Variants in PTPRA observed in about 807,000 individuals in gnomAD.
The protein encoded by PTPRA is protein tyrosine phosphatase receptor type A.
A neutral mutation model predicts 104.8 loss-of-function variants in PTPRA; 25 were observed. The observed-to-expected ratio is 0.24, with a 90% CI of 0.17 to 0.33. The LOEUF is 0.33. Among genes scored for constraint, PTPRA ranks in the 10% least tolerant of loss-of-function variants. PTPRA has a pLI of 1.00. For missense variants in PTPRA, 765 were observed against 1,015.3 expected (o/e 0.75, Z 3.35); for synonymous variants, 323 against 368.9 (o/e 0.88, Z 1.43).
chr20:3,016,083 C>T (rs2064432512), intron 12 of PTPRA, among the ~76,000 whole-genome samples, 198 bp downstream of exon 12: 1 of 152,128 alleles, frequency 6.6e-6, no homozygotes, highest in South Asian at 2.1e-4. Context: ...TCCAGGGATC[C>T]ATTAAAAGAA....
chr20:2,930,849 T>G (rs1312561735), intron 2 of PTPRA, among the ~76,000 whole-genome samples: 1 of 152,202 alleles, frequency 6.6e-6, no homozygotes, highest in African/African-American at 2.4e-5. Flanking sequence ...ATATCTTTTT[T>G]GGGGAGGCAT....
intron 1 of PTPRA, among the ~76,000 whole-genome samples, chr20:2,898,197 C>T (rs1390700574): frequency 2.6e-5 from 4 of 151,932 alleles, no homozygotes; most frequent in Non-Finnish European, 5.9e-5. Context: ...CTCGGGTTCA[C>T]GCCATTCTCC....
chr20:2,868,738 T>C (rs2146695921), upstream of PTPRA, among the ~76,000 whole-genome samples: 1 of 143,592 alleles, frequency 7.0e-6, no homozygotes, highest in African/African-American at 2.6e-5. Flanking sequence ...GAGTTCTCAA[T>C]GAAAAAGGAT....
rs550487152 is a variant in PTPRA, at chr20:2,988,285, G to T, written c.602-53G>T. ...GTAGAACCCCGTTTAGCCTCCAGAA[G>T]AGGGGCTAGGTTCTCAGGGTACCTG... On this transcript the variant is annotated intron_variant, in intron 8 of 23. Transcript: ENST00000399903. 3 of 1,564,782 alleles carry T rather than the reference G, an allele frequency of 1.9e-6. No individual in the cohort carries two copies. The East Asian group carries it at 6.7e-5, about 35-fold the overall frequency.
intron 11 of PTPRA, among the ~76,000 whole-genome samples, chr20:3,010,975 G>A (rs187932267): frequency 2.8e-4 from 43 of 152,348 alleles, no homozygotes; most frequent in Admixed American, 2.4e-3. Flanking sequence ...ATCTGCCACC[G>A]TAACCAGTTT....
chr20:3,009,109 C>T (rs2064028241), intron 11 of PTPRA, among the ~76,000 whole-genome samples: 1 of 152,096 alleles, frequency 6.6e-6, no homozygotes, highest in African/African-American at 2.4e-5. Context: ...AGGCAACTCA[C>T]CCGTGTGCTC....
chr20:2,954,377 C>T (rs529213276), intron 3 of PTPRA, among the ~76,000 whole-genome samples: 1 of 152,180 alleles, frequency 6.6e-6, no homozygotes, highest in East Asian at 1.9e-4. Flanking sequence ...CCACACCTGG[C>T]CCCCAGCTAA....
At chr20:2,892,458 C>T (rs1275512296) in intron 1 of PTPRA, among the ~76,000 whole-genome samples, 1 of 152,026 alleles carries the variant, frequency 6.6e-6, no homozygotes, top group East Asian at 1.9e-4. Context: ...ATTGTACTTC[C>T]AATTTTGAAA....
In PTPRA at chr20:2,923,340, C is replaced by G. The variant is rs552931539; in HGVS notation, c.-50+55C>G. 393 of 1,199,922 alleles carry G rather than the reference C, an allele frequency of 3.3e-4. 8 individuals carry two copies. The South Asian group carries it at 5.1e-3, about 15-fold the overall frequency. 74.3% of individuals were successfully genotyped at this position (1,199,922 alleles called of 1,614,324 possible). ...AGGCTTTTGCCAGCCAAGTAGTGTCCTTAAATAAAGCTAACATCACATGCT... is the reference window on the plus strand; with the variant it reads ...AGGCTTTTGCCAGCCAAGTAGTGTCGTTAAATAAAGCTAACATCACATGCT... On this transcript the variant is annotated intron_variant, in intron 2 of 23. Coordinates refer to ENST00000399903, the MANE Select transcript of PTPRA (RefSeq NM_001385305.1).
chr20:3,003,412 G>A (rs934633976), intron 9 of PTPRA, among the ~76,000 whole-genome samples: 2 of 152,104 alleles, frequency 1.3e-5, no homozygotes, highest in Admixed American at 6.6e-5. Flanking sequence ...ATTTCCTAAG[G>A]GTATGTTCTC....
chr20:2,879,361 C>A (rs1226047207), intron 1 of PTPRA, among the ~76,000 whole-genome samples: 1 of 152,176 alleles, frequency 6.6e-6, no homozygotes, highest in Non-Finnish European at 1.5e-5. Context: ...GTGTTACTAA[C>A]CAGCTCCTGG....
chr20:2,894,988 CAAAAA>C (rs58817434), intron 1 of PTPRA, among the ~76,000 whole-genome samples: 3 of 104,462 alleles, frequency 2.9e-5, no homozygotes, highest in African/African-American at 3.9e-5. Flanking sequence ...CTCCTTCACC[CAAAAA>C]AAAAAAAAAA....
At chr20:2,864,828 T>C in the PTPRA span, 24 of 1,181,528 alleles carry the variant, frequency 2.0e-5, no homozygotes, top group Non-Finnish European at 2.7e-5. This position sits in a 1 kb window ranked among gnomAD's most constrained non-coding sequence, Gnocchi z 5.2. Flanking sequence ...GAGCTAGCCA[T>C]CCCTCTAGGA....
At chr20:2,940,564 G>T (rs2147647920) in intron 2 of PTPRA, among the ~76,000 whole-genome samples, 1 of 152,090 alleles carries the variant, frequency 6.6e-6, no homozygotes, top group Middle Eastern at 3.4e-3. Context: ...CTCAGAATAG[G>T]TTTTCCTTTT....
chr20:2,997,334 T>C (rs2063441067), intron 9 of PTPRA, among the ~76,000 whole-genome samples: 1 of 152,218 alleles, frequency 6.6e-6, no homozygotes, highest in East Asian at 1.9e-4. Flanking sequence ...AAGCATATTC[T>C]TTTTATAATA....
rs1467529425 is a variant in PTPRA, at chr20:2,952,155, CA to C, written c.-7+4135del. 2.0e-5 allele frequency among the ~76,000 whole-genome samples: 3 copies of C among 151,986 alleles called. No homozygotes were observed. The East Asian group carries it at 5.8e-4, about 29-fold the overall frequency. On this transcript the variant is annotated intron_variant, in intron 3 of 23. Transcript: ENST00000399903. Reference sequence around the variant, plus strand: ...AAAAAAAAACTGTCAAATGATACTCCAAAATGGTTGTACCATTTTATATTTG... The same window carrying C: ...AAAAAAAAACTGTCAAATGATACTCCAAATGGTTGTACCATTTTATATTTG...
intron 1 of PTPRA, among the ~76,000 whole-genome samples, chr20:2,892,303 A>C (rs1270010881): frequency 6.6e-6 from 1 of 151,874 alleles, no homozygotes; most frequent in Non-Finnish European, 1.5e-5. Context: ...AAAAAAAAAA[A>C]AAAAAAAGAA....
At chr20:2,939,282 C>G (rs1190106412) in intron 2 of PTPRA, among the ~76,000 whole-genome samples, 1 of 152,196 alleles carries the variant, frequency 6.6e-6, no homozygotes, top group African/African-American at 2.4e-5. Context: ...CTCTCCTCAC[C>G]ATAATCCTTT....
chr20:2,944,338 G>C (rs1240815756), intron 2 of PTPRA, among the ~76,000 whole-genome samples: 2 of 152,066 alleles, frequency 1.3e-5, no homozygotes, highest in Non-Finnish European at 2.9e-5. Flanking sequence ...CACCATGCCT[G>C]GCCCCTCTGC....
Sources: gnomAD v4.1 joint callset for allele counts (sites outside exome capture counted in the v4.1 genomes callset) on GRCh38, gnomAD v4.1.1 for gene constraint, Gnocchi (gnomAD v3.1) non-coding constraint, MANE v1.5 for transcripts, NCBI Gene and HGNC (gene_info 2026-07-23, HGNC 2026-07-21) for gene names.